The following IQSEC3 variants were observed in gnomAD, a reference collection of about 807,000 sequenced individuals.
The protein encoded by IQSEC3 is IQ motif and Sec7 domain ArfGEF 3, also known as IQ motif and SEC7 domain-containing protein 3.
A neutral mutation model predicts 105.4 loss-of-function variants in IQSEC3; 50 were observed. That is an observed-to-expected ratio of 0.47 (90% confidence interval 0.38 to 0.60). IQSEC3 has a LOEUF of 0.60. IQSEC3 is among the 20% of genes least tolerant of loss of function. The probability of loss-of-function intolerance (pLI) is 0.00; values close to 1 mark genes in which losing one functional copy is unlikely to be tolerated. For synonymous variants in IQSEC3, 708 were observed against 746.0 expected, an observed-to-expected ratio of 0.95 and a Z score of 0.83; for missense variants, 1,415 against 1,630.0, an observed-to-expected ratio of 0.87 and a Z score of 2.27.
At chr12:128,333 A>G (rs554011189) in intron 3 of IQSEC3, among the ~76,000 whole-genome samples, 6 of 152,322 alleles carry the variant, frequency 3.9e-5, no homozygotes, top group African/African-American at 1.4e-4. Flanking sequence ...TGCCTGGCGA[A>G]GAAGCTGCTG....
rs370967853 is a variant in IQSEC3 at position 99,142 on chromosome 12, G to A, written c.555-4G>A. ...GCTCTGATCTCCCTCTGCTCTGCCC[G>A]CAGGAATGAGACCGTGCTGCACCAG... is the stretch of plus-strand genomic sequence containing the variant. On this transcript the variant is annotated splice_region_variant and splice_polypyrimidine_tract_variant and intron_variant, in intron 1 of 13. Coordinates refer to ENST00000538872, the MANE Select transcript of IQSEC3 (RefSeq NM_001170738.2). The A allele has an allele frequency of 4.6e-5, 74 of 1,597,992 alleles. No individual in the cohort carries two copies. Among genetic ancestry groups the A allele is most frequent in the East Asian group, 2.5e-4 (11 of 44,862 alleles).
Position 175,079 on chromosome 12 carries a change from G to C in IQSEC3, c.*46G>C. 1.4e-6 allele frequency: 2 copies of C among 1,407,430 alleles called. No homozygotes were observed. Among genetic ancestry groups the C allele is most frequent in the Non-Finnish European group, 1.9e-6 (2 of 1,062,164 alleles). The allele number at this position is 1,407,430 out of a possible 1,614,324, so 87.2% of individuals were successfully genotyped here. ...TGTCCTGGGAGGGCTGGCCACTGGG[G>C]GGCCTGGGCTGCCCCTCCACTGCTC... On this transcript the variant is annotated 3_prime_UTR_variant, in exon 14 of 14. Transcript: ENST00000538872.
intron 2 of IQSEC3, among the ~76,000 whole-genome samples, chr12:123,690 C>T (rs1356353442): frequency 4.6e-5 from 7 of 152,146 alleles, no homozygotes; most frequent in Non-Finnish European, 8.8e-5. Context: ...CCAGGAGGAA[C>T]ACCTCTCTGC....
chr12:174,028 G>A lies in IQSEC3; in HGVS notation c.3115-571G>A, dbSNP rs116210938. ...TCGGCTGTCTGGGCTGTTCTCGAAC[G>A]CAGGGTCATGGCCGTGGGGAGTCTG... On this transcript the variant is annotated intron_variant, in intron 13 of 13. Transcript: ENST00000538872. Among the ~76,000 whole-genome samples, 1,086 of 152,316 alleles carry A rather than the reference G, an allele frequency of 7.1e-3. 14 individuals carry two copies. The highest frequency in any genetic ancestry group is 0.024 in the African/African-American group (1,001 of 41,560).
intron 3 of IQSEC3, among the ~76,000 whole-genome samples, chr12:130,119 G>T (rs1555084537): frequency 6.6e-6 from 1 of 152,314 alleles, no homozygotes; most frequent in East Asian, 1.9e-4. Flanking sequence ...GAACAGCACT[G>T]CACAGCTGCT....
rs1555065407 is a variant in IQSEC3 at position 66,912 on chromosome 12, C to G, written c.30C>G (p.Arg10=). The G allele has an allele frequency of 1.3e-6, 2 of 1,492,902 alleles. No individual in the cohort carries two copies. Among genetic ancestry groups the G allele is most frequent in the Non-Finnish European group, 1.8e-6 (2 of 1,125,008 alleles). 92.5% of individuals were successfully genotyped at this position (1,492,902 alleles called of 1,614,324 possible). ...AGAGCCTGCTGGAGAATCCGGTGCG[C>G]GCCGTGCTCTACCTCAAGGAGCTCA... MESLLENPV[R]AVLYLKELTA... is the part of the protein sequence containing the mutation. Residue 10 remains arginine, a synonymous_variant, in exon 1 of 14, where the codon CGC becomes CGG. Coordinates refer to ENST00000538872, the MANE Select transcript of IQSEC3 (RefSeq NM_001170738.2).
At chr12:143,826 C>CGTGTT (rs1866141831) in intron 5 of IQSEC3, 1 of 147,416 alleles carries the variant, frequency 6.8e-6, no homozygotes, top group Non-Finnish European at 1.5e-5. Context: ...GCTGGGCACC[C>CGTGTT]GTGTGTGTGT....
At chr12:76,986 T>C (rs7136897) in intron 1 of IQSEC3, among the ~76,000 whole-genome samples, 1,733 of 152,122 alleles carry the variant, frequency 0.011, 28 homozygotes, top group African/African-American at 0.04. Context: ...CCTTGATGAA[T>C]GATTCCTATC....
At chr12:74,329 A>G (rs1591624841) in intron 1 of IQSEC3, among the ~76,000 whole-genome samples, 1 of 152,368 alleles carries the variant, frequency 6.6e-6, no homozygotes, top group South Asian at 2.1e-4. Context: ...CTTCTCTTAA[A>G]GACTTTTCTT....
intron 2 of IQSEC3, among the ~76,000 whole-genome samples, chr12:101,310 C>A (rs1316624878): frequency 1.3e-5 from 2 of 152,170 alleles, no homozygotes; most frequent in African/African-American, 2.4e-5. Context: ...AGATGTGGGG[C>A]AGGGGAGGGG....
At chr12:122,779 C>G (rs1441885883) in intron 2 of IQSEC3, among the ~76,000 whole-genome samples, 3 of 152,164 alleles carry the variant, frequency 2.0e-5, no homozygotes, top group Admixed American at 6.5e-5. Flanking sequence ...ACGTCGGCAC[C>G]CAGCACCTCT....
At chr12:85,893 A>T (rs1863901482) in intron 1 of IQSEC3, among the ~76,000 whole-genome samples, 1 of 152,162 alleles carries the variant, frequency 6.6e-6, no homozygotes, top group South Asian at 2.1e-4. Flanking sequence ...AGGCATGTGC[A>T]TGTTTCATAT....
At chr12:84,512 G>T (rs2136890484) in intron 1 of IQSEC3, among the ~76,000 whole-genome samples, 1 of 152,382 alleles carries the variant, frequency 6.6e-6, no homozygotes, top group South Asian at 2.1e-4. Flanking sequence ...GTGCACACAT[G>T]TGCAGGATGG....
In IQSEC3 at chr12:138,142, G is replaced by C; in HGVS notation, c.904-125G>C. 1.2e-6 allele frequency: 1 copy of C among 812,520 alleles called. No individual in the cohort carries two copies. Among genetic ancestry groups the C allele is most frequent in the East Asian group, 2.7e-5 (1 of 37,720 alleles). 50.3% of individuals were successfully genotyped at this position (812,520 alleles called of 1,614,324 possible). A position where few individuals can be genotyped will look rare whatever the true frequency, so the allele number is the denominator to read the frequency against. ...GTTCAGACTTTAGCTGCCCAGGAGC[G>C]CCCCCCCGCCCCCGTCCATTCCTGG... On this transcript the variant is annotated intron_variant, in intron 3 of 13. Coordinates refer to ENST00000538872, the MANE Select transcript of IQSEC3 (RefSeq NM_001170738.2). The surrounding 1 kb of genome is among the most constrained non-coding windows in gnomAD (Gnocchi z 7.1).
chr12:122,334 G>A (rs10774470), intron 2 of IQSEC3, among the ~76,000 whole-genome samples: 86,275 of 151,998 alleles, frequency 0.57, 25,108 homozygotes, highest in East Asian at 0.69. Context: ...CAGATGAGGA[G>A]ACTGGCCCAG....
intron 11 of IQSEC3, 23 bp from the exon 12 acceptor site, chr12:168,990 T>C: frequency 1.9e-6 from 3 of 1,607,476 alleles, no homozygotes; most frequent in Non-Finnish European, 2.6e-6. Context: ...TTTCTCTTGC[T>C]CACGGGCCTC....
At chr12:170,797 C>T (rs985373349) in intron 12 of IQSEC3, among the ~76,000 whole-genome samples, 1 of 152,226 alleles carries the variant, frequency 6.6e-6, no homozygotes, top group Admixed American at 6.5e-5. Flanking sequence ...GAACGTGGCG[C>T]CCACAACCCA....
chr12:101,851 T>A (rs985375466), intron 2 of IQSEC3, among the ~76,000 whole-genome samples: 5 of 152,140 alleles, frequency 3.3e-5, no homozygotes, highest in African/African-American at 1.2e-4. Flanking sequence ...CTGATCAGAC[T>A]CTCAGCATCC....
At chr12:120,490 G>A (rs570489847) in intron 2 of IQSEC3, among the ~76,000 whole-genome samples, 26 of 152,258 alleles carry the variant, frequency 1.7e-4, no homozygotes, top group African/African-American at 5.8e-4. Context: ...TTGGCCTTGC[G>A]GAAATCAGCT....
Sources: gnomAD v4.1 joint callset for allele counts (sites outside exome capture counted in the v4.1 genomes callset) on GRCh38, gnomAD v4.1.1 for gene constraint, Gnocchi (gnomAD v3.1) non-coding constraint, MANE v1.5 for transcripts, NCBI Gene and HGNC (gene_info 2026-07-23, HGNC 2026-07-21) for gene names.